The following PARG variants were observed in gnomAD, a reference collection of about 807,000 sequenced individuals.
The protein encoded by PARG is poly(ADP-ribose) glycohydrolase, also known as mitochondrial poly(ADP-ribose) glycohydrolase.
In PARG, 35 loss-of-function variants were observed where a neutral mutation model predicts 113.0. The ratio of observed to expected loss-of-function variants is 0.31; its 90% CI spans 0.24 to 0.41. PARG has a LOEUF of 0.41. Ranked by LOEUF, PARG falls within the 10% of genes least tolerant of loss-of-function variation. The pLI is 1.00. For missense variants in PARG, 797 were observed against 1,169.4 expected, an observed-to-expected ratio of 0.68 and a Z score of 4.64; for synonymous variants, 330 against 409.9, an observed-to-expected ratio of 0.81 and a Z score of 2.36.
rs1265655855 is a variant in PARG, at chr10:49,818,357, T to C, written c.*983A>G. ...CACTTAAAGAGCATACGTTTATATA[T>C]ACATATATAAAATATAGATGATATG... On this transcript the variant is annotated 3_prime_UTR_variant, in exon 18 of 18. Transcript: ENST00000616448. The C allele has an allele frequency of 6.6e-6, 1 of 152,606 alleles. No individual in the cohort carries two copies. Among genetic ancestry groups the C allele is most frequent in the Non-Finnish European group, 1.5e-5 (1 of 68,026 alleles). The allele number at this position is 152,606 out of a possible 1,614,324, so 9.5% of individuals were successfully genotyped here.
At position 49,869,482 on chromosome 10, in the gene PARG, C is replaced by A. The variant is rs1259689674; in HGVS notation, c.2062G>T (p.Glu688Ter). The A allele has an allele frequency of 5.0e-6, 4 of 795,386 alleles. No individual in the cohort carries two copies. The African/African-American group carries it at 6.9e-5, about 14-fold the overall frequency. 49.3% of individuals were successfully genotyped at this position (795,386 alleles called of 1,614,324 possible). ...AAGAATGAAAGGAATTTACTTTTCT[C>A]TGTGACTCTTCTAAAGTAGCAGAAG... is the stretch of plus-strand genomic sequence containing the variant. ...TLFCYFRRVT[E>*]KKPTGLVTFT... is the part of the protein sequence containing the mutation. The change falls in exon 10 of 18, where the codon GAG becomes TAG. Residue 688 changes from glutamate to a stop codon, truncating the protein, a stop_gained. Transcript: ENST00000616448. LOFTEE classifies it high-confidence loss of function.
intron 7 of PARG, among the ~76,000 whole-genome samples, chr10:49,911,235 A>G (rs1832013396): frequency 6.6e-6 from 1 of 151,354 alleles, no homozygotes; most frequent in African/African-American, 2.4e-5. Context: ...GTGGGCCAAG[A>G]TCGTGCCACT....
intron 10 of PARG, among the ~76,000 whole-genome samples, 200 bp downstream of exon 10, chr10:49,869,276 G>A (rs1257230166): frequency 1.3e-5 from 2 of 151,982 alleles, no homozygotes; most frequent in African/African-American, 4.8e-5. Flanking sequence ...TGTAAACCCC[G>A]CCCCCCTACA....
intron 7 of PARG, among the ~76,000 whole-genome samples, chr10:49,902,978 C>T (rs1217686618): frequency 6.6e-6 from 1 of 152,032 alleles, no homozygotes; most frequent in African/African-American, 2.4e-5. Context: ...AACTTACACG[C>T]CACCACACCC....
intron 6 of PARG, among the ~76,000 whole-genome samples, chr10:49,919,568 C>T: frequency 6.6e-6 from 1 of 152,068 alleles, no homozygotes; most frequent in East Asian, 1.9e-4. Flanking sequence ...CCTGTAATCC[C>T]AGTACTTTGG....
rs563491977 is a variant in PARG, at chr10:49,850,336, C to T, written c.2354-6704G>A. ...CAAACCTCACTGGACATCATTCCAT[C>T]ATCTGAAATTCAGGGTTCTTAATAA... On this transcript the variant is annotated intron_variant, in intron 13 of 17. Coordinates refer to ENST00000616448, the MANE Select transcript of PARG (RefSeq NM_003631.5). 3.8e-3 allele frequency among the ~76,000 whole-genome samples: 552 copies of T among 145,676 alleles called. 8 individuals are homozygous for T. The highest frequency in any genetic ancestry group is 0.014 in the African/African-American group (528 of 39,034).
rs112413640 is a variant in PARG, at chr10:49,832,092, T to C, written c.2647+711A>G. On this transcript the variant is annotated intron_variant, in intron 16 of 17. Coordinates refer to ENST00000616448, the MANE Select transcript of PARG (RefSeq NM_003631.5). ...CATCCTAAGTAATGATATAGTATTA[T>C]TTTCTATAACTGATACTTTGAAAAA... Among the ~76,000 whole-genome samples, 151 of 152,356 alleles carry C rather than the reference T, an allele frequency of 9.9e-4. 1 individual carries two copies. The highest frequency in any genetic ancestry group is 3.5e-3 in the African/African-American group (146 of 41,590).
chr10:49,844,781 C>T (rs965061482), intron 13 of PARG, among the ~76,000 whole-genome samples: 2 of 151,874 alleles, frequency 1.3e-5, no homozygotes, highest in East Asian at 3.9e-4. Context: ...AACAAACGAA[C>T]AAACAATGAA....
At chr10:49,846,297 T>C (rs2132468970) in intron 13 of PARG, among the ~76,000 whole-genome samples, 1 of 149,772 alleles carries the variant, frequency 6.7e-6, no homozygotes, top group South Asian at 2.1e-4. Flanking sequence ...ATGAAAAGAA[T>C]AAAAATTATG....
intron 10 of PARG, among the ~76,000 whole-genome samples, chr10:49,867,942 C>T (rs2664620): frequency 6.6e-5 from 10 of 151,960 alleles, no homozygotes; most frequent in African/African-American, 2.4e-4. Context: ...ACAAAAAAAA[C>T]CAATAGTAAT....
At position 49,832,798 on chromosome 10, in the gene PARG, C is replaced by A; in HGVS notation, c.2647+5G>T. On this transcript the variant is annotated splice_donor_5th_base_variant and intron_variant, in intron 16 of 17. Transcript: ENST00000616448. ...ATGCTTTTATCCTTTTCTACAACAA[C>A]TTACCTTTTAACCTGGCATCACCCC... 2 of 1,508,798 alleles carry A rather than the reference C, an allele frequency of 1.3e-6. No individual in the cohort carries two copies. Among genetic ancestry groups the A allele is most frequent in the Non-Finnish European group, 1.8e-6 (2 of 1,110,026 alleles). 93.5% of individuals were successfully genotyped at this position (1,508,798 alleles called of 1,614,324 possible).
chr10:49,854,287 C>G (rs1426529489), intron 13 of PARG, among the ~76,000 whole-genome samples: 5 of 151,580 alleles, frequency 3.3e-5, no homozygotes, highest in Non-Finnish European at 7.4e-5. Flanking sequence ...GGGCCCCGCT[C>G]AGAAGGCTGT....
At position 49,934,721 on chromosome 10, in the gene PARG, C is replaced by T. The variant is rs1429067418; in HGVS notation, c.284+355G>A. On this transcript the variant is annotated intron_variant, in intron 2 of 17. Coordinates refer to ENST00000616448, the MANE Select transcript of PARG (RefSeq NM_003631.5). ...AAAATTAGCCAGGCGTGGTGGTGGG[C>T]GCCTGTAGTCCCAGCTACTTGGGAG... 5.8e-3 allele frequency among the ~76,000 whole-genome samples: 885 copies of T among 151,900 alleles called. 4 individuals carry two copies. The highest frequency in any genetic ancestry group is 0.016 in the African/African-American group (655 of 41,416).
chr10:49,849,117 C>T (rs1357190684), intron 13 of PARG, among the ~76,000 whole-genome samples: 1 of 151,936 alleles, frequency 6.6e-6, no homozygotes, highest in Non-Finnish European at 1.5e-5. Context: ...ATCGCTTGAA[C>T]CTGGGAGGCA....
In PARG at chr10:49,819,294, G is replaced by A. The variant is rs1413212859; in HGVS notation, c.*46C>T. On this transcript the variant is annotated 3_prime_UTR_variant, in exon 18 of 18. Coordinates refer to ENST00000616448, the MANE Select transcript of PARG (RefSeq NM_003631.5). The stretch of plus-strand genomic sequence containing the variant: ...ATATTACACCTGACAGCTCAAACAG[G>A]ACGTCTCTGGTGGGAGGTGGGAGGA... The A allele has an allele frequency of 1.3e-5, 20 of 1,489,994 alleles. No individual in the cohort carries two copies. Among genetic ancestry groups the A allele is most frequent in the Admixed American group, 2.1e-5 (1 of 47,618 alleles). 92.3% of individuals were successfully genotyped at this position (1,489,994 alleles called of 1,614,324 possible). A position where few individuals can be genotyped will look rare whatever the true frequency, so the allele number is the denominator to read the frequency against.
At chr10:49,848,248 C>A in intron 13 of PARG, among the ~76,000 whole-genome samples, 1 of 149,318 alleles carries the variant, frequency 6.7e-6, no homozygotes, top group Admixed American at 6.7e-5. Flanking sequence ...ACTCAGGAGG[C>A]TGAGGCAGGG....
chr10:49,940,027 A>T (rs1838946371), intron 1 of PARG, among the ~76,000 whole-genome samples: 1 of 152,180 alleles, frequency 6.6e-6, no homozygotes, highest in Admixed American at 6.5e-5. Flanking sequence ...TTCCTAAGGC[A>T]TCTGCCCTAG....
chr10:49,927,050 T>C (rs1230174866), intron 4 of PARG, among the ~76,000 whole-genome samples: 2 of 152,144 alleles, frequency 1.3e-5, no homozygotes, highest in Admixed American at 1.3e-4. Context: ...GGCTCACGCC[T>C]GTAATCCCAG....
At chr10:49,941,441 G>A in intron 1 of PARG, 68 bp downstream of exon 1, 1 of 1,166,650 alleles carries the variant, frequency 8.6e-7, no homozygotes, top group Non-Finnish European at 1.3e-6. Flanking sequence ...GGAGCCCCTG[G>A]GTCCTCAGAC....
Sources: allele counts gnomAD v4.1 joint callset (sites outside exome capture counted in the v4.1 genomes callset), GRCh38; gene constraint gnomAD v4.1.1; transcripts MANE v1.5; gene names NCBI Gene and HGNC (gene_info 2026-07-23, HGNC 2026-07-21).